Variants in IGF2BP2 observed in about 807,000 individuals in gnomAD.
IGF2BP2 encodes insulin-like growth factor 2 mRNA-binding protein 2.
A neutral mutation model predicts 75.8 loss-of-function variants in IGF2BP2; 17 were observed. The observed-to-expected ratio is 0.22, with a 90% CI of 0.15 to 0.34. IGF2BP2 has a LOEUF of 0.34. Among genes scored for constraint, IGF2BP2 ranks in the 10% least tolerant of loss-of-function variants. The probability of loss-of-function intolerance (pLI) is 1.00; values close to 1 mark genes in which losing one functional copy is unlikely to be tolerated. For missense variants in IGF2BP2, 516 were observed against 772.4 expected (o/e 0.67, Z 3.93); for synonymous variants, 288 against 295.6 (o/e 0.97, Z 0.26).
chr3:185,799,972 T>C (rs1264140105), intron 2 of IGF2BP2, among the ~76,000 whole-genome samples: 3 of 152,214 alleles, frequency 2.0e-5, no homozygotes, highest in Non-Finnish European at 2.9e-5. Context: ...TAAAGGCACA[T>C]GCACACGTAT....
intron 2 of IGF2BP2, among the ~76,000 whole-genome samples, chr3:185,719,931 AAAGC>A (rs1224539788): frequency 6.6e-6 from 1 of 152,324 alleles, no homozygotes; most frequent in East Asian, 1.9e-4. Context: ...TCAAATGAGA[AAAGC>A]AAGCCACACT....
chr3:185,765,700 G>C (rs971916450), intron 2 of IGF2BP2, among the ~76,000 whole-genome samples: 3 of 152,244 alleles, frequency 2.0e-5, no homozygotes, highest in African/African-American at 7.2e-5. Flanking sequence ...CACTGCAGCA[G>C]CTTCACCCCA....
At chr3:185,823,037 A>C (rs1187434712) in intron 2 of IGF2BP2, 116 bp downstream of exon 2, 1 of 635,578 alleles carries the variant, frequency 1.6e-6, no homozygotes, top group Non-Finnish European at 2.6e-6. Context: ...CCACTAACAA[A>C]ACAAACAAAA....
chr3:185,772,577 CTTTTTTTTTTTT>C (rs368068706), intron 2 of IGF2BP2, among the ~76,000 whole-genome samples: 1 of 118,204 alleles, frequency 8.5e-6, no homozygotes, highest in Admixed American at 8.9e-5. Context: ...CCTTCTCTCT[CTTTTTTTTTTTT>C]TTTTTTTTTT....
intron 2 of IGF2BP2, among the ~76,000 whole-genome samples, chr3:185,805,148 T>G (rs1398692329): frequency 6.6e-6 from 1 of 152,112 alleles, no homozygotes; most frequent in Non-Finnish European, 1.5e-5. Context: ...AAGTATCAAT[T>G]GTACTGGCCC....
At chr3:185,742,245 G>A (rs1729654979) in intron 2 of IGF2BP2, among the ~76,000 whole-genome samples, 1 of 150,098 alleles carries the variant, frequency 6.7e-6, no homozygotes, top group Non-Finnish European at 1.5e-5. Flanking sequence ...TGTAATCCTA[G>A]CACTTTCAGA....
At chr3:185,704,071 G>A (rs1000623498) in intron 2 of IGF2BP2, among the ~76,000 whole-genome samples, 4 of 152,136 alleles carry the variant, frequency 2.6e-5, no homozygotes, top group East Asian at 3.9e-4. Context: ...TTGTGAGAGC[G>A]TCCTTTGGGG....
chr3:185,794,930 C>G (rs1028824196), intron 2 of IGF2BP2, among the ~76,000 whole-genome samples: 2 of 151,956 alleles, frequency 1.3e-5, no homozygotes, highest in African/African-American at 4.8e-5. Context: ...CGGAGTCTCA[C>G]TCTGTCGCCC....
intron 2 of IGF2BP2, among the ~76,000 whole-genome samples, chr3:185,703,817 C>T (rs1307634232): frequency 1.3e-5 from 2 of 152,058 alleles, no homozygotes; most frequent in Non-Finnish European, 2.9e-5. Flanking sequence ...AAAACACCTG[C>T]TTTGGTGTGA....
chr3:185,658,276 CAAGGGCCAAGTGGG>C, intron 11 of IGF2BP2, 51 bp downstream of exon 11: 1 of 1,454,858 alleles, frequency 6.9e-7, no homozygotes, highest in Non-Finnish European at 9.7e-7. Context: ...CACTGGCCAC[CAAGGGCCAAGTGGG>C]CCTAGCCCCA....
chr3:185,750,303 C>T (rs181619929), intron 2 of IGF2BP2, among the ~76,000 whole-genome samples: 2 of 152,260 alleles, frequency 1.3e-5, no homozygotes, highest in Non-Finnish European at 2.9e-5. Flanking sequence ...CCCATTTTGC[C>T]TTGACACTGG....
chr3:185,784,526 A>G (rs2149817236), intron 2 of IGF2BP2, among the ~76,000 whole-genome samples: 1 of 152,130 alleles, frequency 6.6e-6, no homozygotes, highest in Non-Finnish European at 1.5e-5. Flanking sequence ...TCCACACACT[A>G]CCCTCTGAGC....
intron 10 of IGF2BP2, among the ~76,000 whole-genome samples, chr3:185,668,982 T>C (rs529674699): frequency 6.6e-6 from 1 of 152,170 alleles, no homozygotes; most frequent in Non-Finnish European, 1.5e-5. Flanking sequence ...ACCTAAGCTA[T>C]AACTGAGGGG....
chr3:185,689,268 A>C, intron 6 of IGF2BP2, 87 bp downstream of exon 6: 1 of 1,395,114 alleles, frequency 7.2e-7, no homozygotes, highest in Non-Finnish European at 9.8e-7. Flanking sequence ...TGCTGATGTA[A>C]GCAATTGTGA....
At chr3:185,732,960 C>T (rs1728385357) in intron 2 of IGF2BP2, among the ~76,000 whole-genome samples, 1 of 152,202 alleles carries the variant, frequency 6.6e-6, no homozygotes, top group African/African-American at 2.4e-5. Context: ...AATCCCTCCC[C>T]CAACCTGCCC....
At chr3:185,752,095 T>C (rs1255919066) in intron 2 of IGF2BP2, among the ~76,000 whole-genome samples, 1 of 152,242 alleles carries the variant, frequency 6.6e-6, no homozygotes, top group East Asian at 1.9e-4. Context: ...CAAGTCTTTA[T>C]ATATTCTTCT....
At chr3:185,688,577 A>G (rs1186909072) in intron 6 of IGF2BP2, among the ~76,000 whole-genome samples, 2 of 152,174 alleles carry the variant, frequency 1.3e-5, no homozygotes, top group Non-Finnish European at 2.9e-5. Flanking sequence ...TCCTGACCTC[A>G]GATGATCCCC....
At chr3:185,681,486 T>C (rs1433176180) in intron 7 of IGF2BP2, among the ~76,000 whole-genome samples, 1 of 152,220 alleles carries the variant, frequency 6.6e-6, no homozygotes, top group Admixed American at 6.5e-5. Flanking sequence ...GAATACTTAA[T>C]ATTGTGAAGA....
intron 4 of IGF2BP2, among the ~76,000 whole-genome samples, chr3:185,695,469 GTTAT>G (rs1440743992): frequency 6.6e-6 from 1 of 152,122 alleles, no homozygotes; most frequent in Non-Finnish European, 1.5e-5. Flanking sequence ...AGTCAGTGAG[GTTAT>G]TTGACTTTTT....
Sources: allele counts gnomAD v4.1 joint callset (sites outside exome capture counted in the v4.1 genomes callset), GRCh38; gene constraint gnomAD v4.1.1; transcripts MANE v1.5; gene names NCBI Gene and HGNC (gene_info 2026-07-23, HGNC 2026-07-21).